Variants in PGAP1 observed in about 807,000 individuals in gnomAD.
PGAP1 encodes GPI inositol-deacylase.
A neutral mutation model predicts 127.0 loss-of-function variants in PGAP1; 76 were observed. The ratio of observed to expected loss-of-function variants is 0.60; its 90% confidence interval spans 0.50 to 0.72. The LOEUF (loss-of-function observed/expected upper bound fraction) is 0.72, where lower values mean the gene tolerates loss of function less well. PGAP1 is among the 30% of genes least tolerant of loss of function. PGAP1 has a pLI of 0.00. For missense variants in PGAP1, 982 were observed against 1,071.3 expected (o/e 0.92, Z 1.16); for synonymous variants, 362 against 366.5 (o/e 0.99, Z 0.14).
intron 8 of PGAP1, 38 bp from the exon 9 acceptor site, chr2:196,892,439 G>A: frequency 1.1e-6 from 1 of 874,072 alleles, no homozygotes; most frequent in South Asian, 1.7e-5. Flanking sequence ...GCCTTGTTTT[G>A]TTTTTATACT....
chr2:196,871,989 A>G (rs961493460), intron 18 of PGAP1, among the ~76,000 whole-genome samples: 6 of 152,188 alleles, frequency 3.9e-5, no homozygotes, highest in African/African-American at 1.2e-4. Flanking sequence ...CACAATAGGT[A>G]TGAAATCACA....
rs151158202 is a variant in PGAP1 at position 196,897,301 on chromosome 2, T to C, written c.861-104A>G. 4.3e-5 allele frequency: 25 copies of C among 585,030 alleles called. No individual in the cohort carries two copies. In the East Asian group the frequency reaches 6.6e-4, roughly 15 times the overall value. The allele number at this position is 585,030 out of a possible 1,614,324, so 36.2% of individuals were successfully genotyped here. A position where few individuals can be genotyped will look rare whatever the true frequency, so the allele number is the denominator to read the frequency against. On this transcript the variant is annotated intron_variant, in intron 6 of 26. Coordinates refer to ENST00000354764, the MANE Select transcript of PGAP1 (RefSeq NM_024989.4). ...TTTAGTGGAACATTTGAGTTTCCTT[T>C]AGTGCTCTAAACTCAAAAATTATGT...
At chr2:196,841,661 G>T (rs1700417387) in intron 26 of PGAP1, among the ~76,000 whole-genome samples, 1 of 152,124 alleles carries the variant, frequency 6.6e-6, no homozygotes, top group Non-Finnish European at 1.5e-5. Flanking sequence ...GGGACTACAG[G>T]CGCCCGCCAC....
intron 10 of PGAP1, 80 bp from the exon 11 acceptor site, chr2:196,885,960 C>T: frequency 1.1e-6 from 1 of 950,028 alleles, no homozygotes; most frequent in Non-Finnish European, 1.4e-6. Flanking sequence ...ATTTTCAACA[C>T]TTTTTATTGT....
rs528896360 is a variant in PGAP1, at chr2:196,858,380, C to T, written c.1861+6607G>A. ...TCGTACCACCACACTCCAGCCTGGG[C>T]GACAGAGCAAGACTCCGTCTCAAAA... On this transcript the variant is annotated intron_variant, in intron 20 of 26. Transcript: ENST00000354764. Among the ~76,000 whole-genome samples, 32 of 149,828 alleles carry T rather than the reference C, an allele frequency of 2.1e-4. 1 individual carries two copies. The highest frequency in any genetic ancestry group is 8.4e-4 in the South Asian group (4 of 4,770).
At chr2:196,864,497 T>C (rs1270382006) in intron 20 of PGAP1, among the ~76,000 whole-genome samples, 4 of 151,756 alleles carry the variant, frequency 2.6e-5, no homozygotes, top group African/African-American at 9.7e-5. Flanking sequence ...TTTTACGTCA[T>C]AAATACTAGC....
intron 20 of PGAP1, among the ~76,000 whole-genome samples, chr2:196,855,825 T>C (rs944828218): frequency 3.9e-5 from 6 of 152,122 alleles, no homozygotes; most frequent in Non-Finnish European, 5.9e-5. Flanking sequence ...ACTGGAAATA[T>C]TGTATTGAAT....
At chr2:196,924,079 TAGA>T (rs1703296330) in intron 1 of PGAP1, among the ~76,000 whole-genome samples, 1 of 152,174 alleles carries the variant, frequency 6.6e-6, no homozygotes. Flanking sequence ...AAACCAGAGG[TAGA>T]AGATGAATAG....
At chr2:196,900,883 C>T (rs6719536) in intron 5 of PGAP1, among the ~76,000 whole-genome samples, 27 of 151,948 alleles carry the variant, frequency 1.8e-4, no homozygotes, top group African/African-American at 3.1e-4. Flanking sequence ...GCGGAGATCG[C>T]GCCACTGCAC....
intron 16 of PGAP1, 113 bp from the exon 17 acceptor site, chr2:196,873,139 T>C: frequency 2.1e-6 from 1 of 487,614 alleles, no homozygotes; most frequent in Non-Finnish European, 3.7e-6. Context: ...AAAAAATCAG[T>C]ACAGGTTATA....
chr2:196,917,881 T>C (rs1321099114), intron 2 of PGAP1, among the ~76,000 whole-genome samples: 1 of 152,138 alleles, frequency 6.6e-6, no homozygotes, highest in East Asian at 1.9e-4. Flanking sequence ...ACATGAGAGC[T>C]CTATGTTCAA....
At position 196,835,027 on chromosome 2, in the gene PGAP1, T is replaced by C. The variant is rs566997787; in HGVS notation, c.*6207A>G. ...TACTGGGCAGAGAAATACTTAGTAA[T>C]ATTAAATTATGGGGAAAACTATAAT... On this transcript the variant is annotated 3_prime_UTR_variant, in exon 27 of 27. Coordinates refer to ENST00000354764, the MANE Select transcript of PGAP1 (RefSeq NM_024989.4). The C allele has an allele frequency of 1.3e-5, 2 of 152,124 alleles. No homozygotes were observed. The highest frequency in any genetic ancestry group is 1.3e-4 in the Admixed American group (2 of 15,298). 9.4% of individuals were successfully genotyped at this position (152,124 alleles called of 1,614,324 possible).
intron 4 of PGAP1, among the ~76,000 whole-genome samples, chr2:196,905,626 G>A (rs1576186631): frequency 6.6e-6 from 1 of 152,098 alleles, no homozygotes; most frequent in East Asian, 1.9e-4. Flanking sequence ...AACAGCTCCG[G>A]TCTACAGCTC....
chr2:196,914,821 T>A (rs1702949656), intron 3 of PGAP1, among the ~76,000 whole-genome samples: 1 of 151,270 alleles, frequency 6.6e-6, no homozygotes, highest in South Asian at 2.1e-4. Flanking sequence ...TTCTTTTTTT[T>A]TTTTTTTTCT....
chr2:196,864,454 G>T (rs1426219665), intron 20 of PGAP1, among the ~76,000 whole-genome samples: 1 of 141,522 alleles, frequency 7.1e-6, no homozygotes, highest in African/African-American at 2.6e-5. Context: ...TTAATTTTTT[G>T]ATGTGTATTA....
Position 196,915,527 on chromosome 2 carries a change from C to T in PGAP1, c.477+891G>A, listed in dbSNP as rs981665209. Among the ~76,000 whole-genome samples the T allele has an allele frequency of 5.3e-5, 8 of 152,316 alleles. No individual in the cohort carries two copies. The East Asian group carries it at 9.6e-4, about 18-fold the overall frequency. ...TTCCCTACCTCAGTTAATGGCAGTT[C>T]AATCTTTCCAGTTGTTTAGCCAAAA... is the stretch of plus-strand genomic sequence containing the variant. On this transcript the variant is annotated intron_variant, in intron 3 of 26. Coordinates refer to ENST00000354764, the MANE Select transcript of PGAP1 (RefSeq NM_024989.4).
At chr2:196,870,538 T>G (rs992977449) in intron 19 of PGAP1, among the ~76,000 whole-genome samples, 2 of 152,100 alleles carry the variant, frequency 1.3e-5, no homozygotes, top group Non-Finnish European at 2.9e-5. Context: ...TTAAGTGATC[T>G]GCCTGCCTTG....
chr2:196,905,685 G>C (rs1358062916), intron 4 of PGAP1, among the ~76,000 whole-genome samples: 1 of 151,078 alleles, frequency 6.6e-6, no homozygotes, highest in Non-Finnish European at 1.5e-5. Context: ...TTCCATCTGA[G>C]GTACCAGGTT....
intron 2 of PGAP1, among the ~76,000 whole-genome samples, chr2:196,918,169 A>T (rs1040432804): frequency 2.0e-5 from 3 of 152,216 alleles, no homozygotes; most frequent in African/African-American, 7.2e-5. Flanking sequence ...TTTTAAAAGT[A>T]AATCACACCT....
Sources: gnomAD v4.1 joint callset for allele counts (sites outside exome capture counted in the v4.1 genomes callset) on GRCh38, gnomAD v4.1.1 for gene constraint, MANE v1.5 for transcripts, NCBI Gene and HGNC (gene_info 2026-07-23, HGNC 2026-07-21) for gene names.